The following CPED1 variants were observed in gnomAD, a reference collection of about 807,000 sequenced individuals.
The protein encoded by CPED1 is cadherin-like and PC-esterase domain-containing protein 1.
A neutral mutation model predicts 128.2 loss-of-function variants in CPED1; 114 were observed. That is an observed-to-expected ratio of 0.89 (90% CI 0.76 to 1.04). The LOEUF is 1.04. CPED1 is among the 50% of genes least tolerant of loss of function. The pLI, the probability that CPED1 is intolerant of heterozygous loss-of-function variation, is 0.00. For synonymous variants in CPED1, 462 were observed against 426.7 expected (o/e 1.08, Z -1.02); for missense variants, 1,211 against 1,207.1 (o/e 1.00, Z -0.05).
Position 121,211,929 on chromosome 7 carries a change from A to G in CPED1, c.2056-24785A>G, listed in dbSNP as rs190873949. 4.6e-5 allele frequency among the ~76,000 whole-genome samples: 7 copies of G among 152,196 alleles called. No individual in the cohort carries two copies. The East Asian group carries it at 1.2e-3, about 25-fold the overall frequency. On this transcript the variant is annotated intron_variant, in intron 16 of 22. Coordinates refer to ENST00000310396, the MANE Select transcript of CPED1 (RefSeq NM_024913.5). ...GTAAAACCAGGAGGAATTTAAGACA[A>G]GCTAAAATGACACTCTTATATCTTG...
chr7:121,290,030 C>A (rs1316984033), intron 22 of CPED1, among the ~76,000 whole-genome samples: 1 of 152,158 alleles, frequency 6.6e-6, no homozygotes, highest in Admixed American at 6.5e-5. Flanking sequence ...TCGTTCAACT[C>A]CCACTTACGA....
At chr7:121,262,482 A>G (rs1221511098) in intron 18 of CPED1, among the ~76,000 whole-genome samples, 1 of 151,934 alleles carries the variant, frequency 6.6e-6, no homozygotes, top group South Asian at 2.1e-4. Context: ...CACTGCATGC[A>G]GAGTCATGGG....
rs1371208254 is a variant in CPED1 at position 121,271,430 on chromosome 7, G to A, written c.2868G>A (p.Glu956=). The A allele has an allele frequency of 5.0e-6, 8 of 1,611,608 alleles. No individual in the cohort carries two copies. The highest frequency in any genetic ancestry group is 5.9e-6 in the Non-Finnish European group (7 of 1,178,662). ...LQGKCGCHFH[E]VVKSKLSKEY... ...GGAAGTGTGGATGTCATTTCCATGA[G>A]GTATTTATGCTGGCTATCTGAGTTT... The change falls in exon 22 of 23, where the codon GAG becomes GAA. Residue 956 remains glutamate, a splice_region_variant and synonymous_variant. Coordinates refer to ENST00000310396, the MANE Select transcript of CPED1 (RefSeq NM_024913.5).
At chr7:121,223,974 C>T (rs766956913) in intron 16 of CPED1, among the ~76,000 whole-genome samples, 17 of 151,538 alleles carry the variant, frequency 1.1e-4, no homozygotes, top group Non-Finnish European at 1.8e-4. Context: ...TAGTTCTGCT[C>T]TGATCTTAGT....
intron 5 of CPED1, among the ~76,000 whole-genome samples, chr7:121,070,050 G>A (rs1430535651): frequency 6.6e-6 from 1 of 151,820 alleles, no homozygotes; most frequent in Non-Finnish European, 1.5e-5. Flanking sequence ...CATTTTAAAA[G>A]TAACATGTGA....
chr7:121,286,650 G>C (rs539372041), intron 22 of CPED1, among the ~76,000 whole-genome samples: 1 of 152,280 alleles, frequency 6.6e-6, no homozygotes, highest in South Asian at 2.1e-4. Flanking sequence ...ATGTGCTCAA[G>C]AAGTTGGTGG....
intron 16 of CPED1, among the ~76,000 whole-genome samples, chr7:121,169,933 T>C (rs933330916): frequency 6.6e-6 from 1 of 152,140 alleles, no homozygotes; most frequent in African/African-American, 2.4e-5. Flanking sequence ...TCGATGTCTG[T>C]GGGAGGAAAT....
intron 16 of CPED1, among the ~76,000 whole-genome samples, chr7:121,159,781 A>C (rs908248001): frequency 6.6e-6 from 1 of 152,130 alleles, no homozygotes; most frequent in Non-Finnish European, 1.5e-5. Flanking sequence ...CACACATGGT[A>C]AACTTCTCCA....
At chr7:120,999,313 T>A (rs1791761538) in intron 2 of CPED1, among the ~76,000 whole-genome samples, 1 of 152,204 alleles carries the variant, frequency 6.6e-6, no homozygotes, top group Non-Finnish European at 1.5e-5. Context: ...TTATCTTTGA[T>A]TAATTAACTA....
At position 120,992,935 on chromosome 7, in the gene CPED1, A is replaced by G. The variant is rs189598067; in HGVS notation, c.249+3065A>G. Among the ~76,000 whole-genome samples the G allele has an allele frequency of 3.6e-3, 542 of 152,280 alleles. 3 individuals carry two copies. The highest frequency in any genetic ancestry group is 6.2e-3 in the Non-Finnish European group (420 of 68,010). On this transcript the variant is annotated intron_variant, in intron 2 of 22. Transcript: ENST00000310396. Reference sequence around the variant, plus strand: ...ATGTGTAAAGCTGTTTTCAATATGGATTGAAATCATGGTATAATATATGCC... The same window carrying G: ...ATGTGTAAAGCTGTTTTCAATATGGGTTGAAATCATGGTATAATATATGCC...
At chr7:121,150,913 C>G (rs1248656647) in intron 16 of CPED1, among the ~76,000 whole-genome samples, 1 of 152,004 alleles carries the variant, frequency 6.6e-6, no homozygotes, top group African/African-American at 2.4e-5. Context: ...GGATTACAGG[C>G]GCCTGCCACC....
chr7:121,145,279 TATC>T (rs1314075971), intron 16 of CPED1, among the ~76,000 whole-genome samples: 5 of 152,048 alleles, frequency 3.3e-5, no homozygotes, highest in Non-Finnish European at 5.9e-5. Flanking sequence ...ACAAGTTAAT[TATC>T]ATGCCATTAC....
intron 16 of CPED1, among the ~76,000 whole-genome samples, chr7:121,189,404 A>G (rs1302033955): frequency 1.3e-5 from 2 of 152,086 alleles, no homozygotes; most frequent in East Asian, 1.9e-4. Flanking sequence ...ACATCTTCAC[A>G]TGGCAACAGG....
intron 7 of CPED1, 60 bp downstream of exon 7, chr7:121,100,154 T>C: frequency 1.3e-6 from 2 of 1,491,554 alleles, no homozygotes; most frequent in Admixed American, 3.7e-5. Flanking sequence ...GTAAAGTGAG[T>C]TGGGCTGCCA....
At chr7:121,073,307 TTCA>T (rs1794040134) in intron 5 of CPED1, among the ~76,000 whole-genome samples, 1 of 152,160 alleles carries the variant, frequency 6.6e-6, no homozygotes, top group South Asian at 2.1e-4. Flanking sequence ...CCTCATCATC[TTCA>T]TGCTGAGTAG....
At chr7:121,118,070 T>C (rs903536426) in intron 7 of CPED1, among the ~76,000 whole-genome samples, 2 of 152,198 alleles carry the variant, frequency 1.3e-5, no homozygotes, top group African/African-American at 2.4e-5. Context: ...TAAACCACTA[T>C]GTGATTTTTA....
At position 121,244,311 on chromosome 7, in the gene CPED1, ACTCCAGCAGTGC is replaced by A; in HGVS notation, c.2286_2297del (p.Gln763_Leu766del). On this transcript the variant is annotated inframe_deletion, in exon 18 of 23. Transcript: ENST00000310396. ...AATATGGTGTCCTAACTAAGCCTCA[ACTCCAGCAGTGC>A]CTGGGAGGAAGGAAGGTAGGTTCTG... is the stretch of plus-strand genomic sequence containing the variant. 3 of 1,613,976 alleles carry A rather than the reference ACTCCAGCAGTGC, an allele frequency of 1.9e-6. No individual in the cohort carries two copies. Among genetic ancestry groups the A allele is most frequent in the Non-Finnish European group, 1.7e-6 (2 of 1,179,968 alleles).
chr7:121,157,427 G>A (rs1481998744), intron 16 of CPED1, among the ~76,000 whole-genome samples: 3 of 152,084 alleles, frequency 2.0e-5, no homozygotes, highest in African/African-American at 7.2e-5. Context: ...ATTGTTAATG[G>A]GGAAGATACC....
chr7:121,047,646 T>TTTCTTCTTCTTCTTCTTCTTC lies in CPED1; in HGVS notation c.540+704_540+724dup, dbSNP rs201842531. On this transcript the variant is annotated intron_variant, in intron 4 of 22. Transcript: ENST00000310396. ...TACAATTCGCCATCTAGATAGCACC[T>TTTCTTCTTCTTCTTCTTCTTC]TTCTTCTTCTTCTTCTTCTTCTTCT... is the stretch of plus-strand genomic sequence containing the variant. Among the ~76,000 whole-genome samples, 88 of 123,068 alleles carry TTTCTTCTTCTTCTTCTTCTTC rather than the reference T, an allele frequency of 7.2e-4. 2 individuals are homozygous for TTTCTTCTTCTTCTTCTTCTTC. The highest frequency in any genetic ancestry group is 2.4e-3 in the African/African-American group (67 of 28,000). The allele number at this position is 123,068 out of a possible 152,430, so 80.7% of individuals were successfully genotyped here. A position where few individuals can be genotyped will look rare whatever the true frequency, so the allele number is the denominator to read the frequency against.
Sources: allele counts gnomAD v4.1 joint callset (sites outside exome capture counted in the v4.1 genomes callset), GRCh38; gene constraint gnomAD v4.1.1; transcripts MANE v1.5; gene names NCBI Gene and HGNC (gene_info 2026-07-23, HGNC 2026-07-21).